The following ANKRD52 variants were observed in gnomAD, a reference collection of about 807,000 sequenced individuals.
ANKRD52 encodes serine/threonine-protein phosphatase 6 regulatory ankyrin repeat subunit C.
Under a neutral mutation model 116.0 loss-of-function variants are expected in ANKRD52, and 7 were observed. The ratio of observed to expected loss-of-function variants is 0.06; its 90% CI spans 0.03 to 0.11. ANKRD52 has a LOEUF of 0.11. ANKRD52 is among the 10% of genes least tolerant of loss of function. The pLI is 1.00. For synonymous variants in ANKRD52, 528 were observed against 578.1 expected (o/e 0.91, Z 1.24); for missense variants, 839 against 1,408.6 (o/e 0.60, Z 6.47).
chr12:56,245,708 C>CTTTTT (rs918818332), intron 20 of ANKRD52, 112 bp from the exon 21 acceptor site: 86 of 397,776 alleles, frequency 2.2e-4, no homozygotes, highest in South Asian at 2.8e-4. Context: ...CAATCCTTGT[C>CTTTTT]TTTTTTTTTT....
In ANKRD52 at chr12:56,248,304, C is replaced by T; in HGVS notation, c.1777-80G>A. ...CTTCCCCTTCTCTGCTCTTGGGGTCCCTGGGAAGCTCAAGGTCTTAGTCCT... is the reference window on the plus strand; with the variant it reads ...CTTCCCCTTCTCTGCTCTTGGGGTCTCTGGGAAGCTCAAGGTCTTAGTCCT... On this transcript the variant is annotated intron_variant, in intron 17 of 27. Coordinates refer to ENST00000267116, the MANE Select transcript of ANKRD52 (RefSeq NM_173595.4). The surrounding 1 kb of genome is among the most constrained non-coding windows in gnomAD (Gnocchi z 5.1). The T allele has an allele frequency of 1.9e-6, 3 of 1,548,658 alleles. No individual in the cohort carries two copies. The highest frequency in any genetic ancestry group is 2.7e-6 in the Non-Finnish European group (3 of 1,129,210).
At position 56,242,265 on chromosome 12, in the gene ANKRD52, A is replaced by C. The variant is rs1871198989; in HGVS notation, c.*877T>G. On this transcript the variant is annotated 3_prime_UTR_variant, in exon 28 of 28. Coordinates refer to ENST00000267116, the MANE Select transcript of ANKRD52 (RefSeq NM_173595.4). This position sits in a 1 kb window ranked among gnomAD's most constrained non-coding sequence, Gnocchi z 4.3. ...ATTAATTTGTTTCTTCCCCTAAAGG[A>C]TAAAACGCTTACTTAAAAATTCATG... 2.5e-6 allele frequency: 1 copy of C among 398,392 alleles called. No individual in the cohort carries two copies. The highest frequency in any genetic ancestry group is 4.4e-6 in the Non-Finnish European group (1 of 226,058). The allele number at this position is 398,392 out of a possible 1,614,324, so 24.7% of individuals were successfully genotyped here.
At chr12:56,249,244 T>C (rs745381239) in intron 15 of ANKRD52, among the ~76,000 whole-genome samples, 21 of 152,170 alleles carry the variant, frequency 1.4e-4, no homozygotes, top group Non-Finnish European at 2.5e-4. Flanking sequence ...ATAAGTCCTG[T>C]TCATCTCAAA....
In ANKRD52 at chr12:56,255,722, C is replaced by T. The variant is rs771719869; in HGVS notation, c.462+62G>A. Reference sequence around the variant, plus strand: ...GCTTGAGGGCCCAGAAGCAGGGAAACGTGAGTAGGAAGGTAAGAAAAGGGA... The same window carrying T: ...GCTTGAGGGCCCAGAAGCAGGGAAATGTGAGTAGGAAGGTAAGAAAAGGGA... On this transcript the variant is annotated intron_variant, in intron 5 of 27. Transcript: ENST00000267116. The surrounding 1 kb of genome is among the most constrained non-coding windows in gnomAD (Gnocchi z 4.3). 71 of 1,475,460 alleles carry T rather than the reference C, an allele frequency of 4.8e-5. No homozygotes were observed. Among genetic ancestry groups the T allele is most frequent in the East Asian group, 2.0e-4 (8 of 39,814 alleles). 91.4% of individuals were successfully genotyped at this position (1,475,460 alleles called of 1,614,324 possible). A position where few individuals can be genotyped will look rare whatever the true frequency, so the allele number is the denominator to read the frequency against.
Position 56,252,162 on chromosome 12 carries a change from C to A in ANKRD52, c.1511+13G>T. The A allele has an allele frequency of 6.2e-7, 1 of 1,613,940 alleles. No homozygotes were observed. Among genetic ancestry groups the A allele is most frequent in the Non-Finnish European group, 8.5e-7 (1 of 1,179,856 alleles). On this transcript the variant is annotated intron_variant, in intron 14 of 27. Transcript: ENST00000267116. This position sits in a 1 kb window ranked among gnomAD's most constrained non-coding sequence, Gnocchi z 4.7. ...GTGAATGGGGCTGAGAAGGACCAGACTGGTAGCCTCACCTCCTGTAAGTGT... is the reference window on the plus strand; with the variant it reads ...GTGAATGGGGCTGAGAAGGACCAGAATGGTAGCCTCACCTCCTGTAAGTGT...
Position 56,253,884 on chromosome 12 carries a change from T to C in ANKRD52, c.907-84A>G. 9 of 1,480,460 alleles carry C rather than the reference T, an allele frequency of 6.1e-6. No homozygotes were observed. Among genetic ancestry groups the C allele is most frequent in the Non-Finnish European group, 8.4e-6 (9 of 1,065,770 alleles). 91.7% of individuals were successfully genotyped at this position (1,480,460 alleles called of 1,614,324 possible). On this transcript the variant is annotated intron_variant, in intron 8 of 27. Transcript: ENST00000267116. The surrounding 1 kb of genome is among the most constrained non-coding windows in gnomAD (Gnocchi z 5.5). ...ATGCCCTACCTCCCTTCCAAGGACA[T>C]ATCTCTAAGGACAAAAGGGTCATAT...
In ANKRD52 at chr12:56,243,684, G is replaced by A. The variant is rs1871267383; in HGVS notation, c.2980+101C>T. ...GCTCCCTGCTCTGAAGAGTTCCCTT[G>A]GGAAGAAAATCCCATGTATAGCAAG... is the stretch of plus-strand genomic sequence containing the variant. On this transcript the variant is annotated intron_variant, in intron 27 of 27. Coordinates refer to ENST00000267116, the MANE Select transcript of ANKRD52 (RefSeq NM_173595.4). The surrounding 1 kb of genome is among the most constrained non-coding windows in gnomAD (Gnocchi z 4.6). 6 of 1,279,456 alleles carry A rather than the reference G, an allele frequency of 4.7e-6. No homozygotes were observed. Among genetic ancestry groups the A allele is most frequent in the Non-Finnish European group, 6.6e-6 (6 of 914,654 alleles). 79.3% of individuals were successfully genotyped at this position (1,279,456 alleles called of 1,614,324 possible). A position where few individuals can be genotyped will look rare whatever the true frequency, so the allele number is the denominator to read the frequency against.
In ANKRD52 at chr12:56,244,294, T is replaced by TA; in HGVS notation, c.2805+58dup. 6.3e-7 allele frequency: 1 copy of TA among 1,587,298 alleles called. No individual in the cohort carries two copies. Among genetic ancestry groups the TA allele is most frequent in the Non-Finnish European group, 8.6e-7 (1 of 1,156,724 alleles). On this transcript the variant is annotated intron_variant, in intron 25 of 27. Coordinates refer to ENST00000267116, the MANE Select transcript of ANKRD52 (RefSeq NM_173595.4). The surrounding 1 kb of genome is among the most constrained non-coding windows in gnomAD (Gnocchi z 4.9). ...CCCAGTCCCCTCTGCAACCGAGACT[T>TA]ACCTCTCTTCATCAAGCTCTGCCCC...
chr12:56,239,427 A>C lies in ANKRD52; in HGVS notation c.*3715T>G, dbSNP rs1871066063. Reference sequence around the variant, plus strand: ...TTCAAACTAGGCGGGATGGGGGCCCATACTGGTTTGCCCCAGGAGTAGGGT... The same window carrying C: ...TTCAAACTAGGCGGGATGGGGGCCCCTACTGGTTTGCCCCAGGAGTAGGGT... On this transcript the variant is annotated 3_prime_UTR_variant, in exon 28 of 28. Coordinates refer to ENST00000267116, the MANE Select transcript of ANKRD52 (RefSeq NM_173595.4). 6.6e-6 allele frequency: 1 copy of C among 152,232 alleles called. No individual in the cohort carries two copies. Among genetic ancestry groups the C allele is most frequent in the Non-Finnish European group, 1.5e-5 (1 of 68,086 alleles). 9.4% of individuals were successfully genotyped at this position (152,232 alleles called of 1,614,324 possible).
Position 56,255,063 on chromosome 12 carries a change from C to G in ANKRD52, c.463-111G>C, listed in dbSNP as rs1871882475. 2 of 1,100,456 alleles carry G rather than the reference C, an allele frequency of 1.8e-6. No homozygotes were observed. The highest frequency in any genetic ancestry group is 1.6e-5 in the African/African-American group (1 of 64,180). 68.2% of individuals were successfully genotyped at this position (1,100,456 alleles called of 1,614,324 possible). A position where few individuals can be genotyped will look rare whatever the true frequency, so the allele number is the denominator to read the frequency against. Reference sequence around the variant, plus strand: ...GGCTGAGGCAGCCTAATGCCTTTTTCCATGAGCAAAACAACCTGGAGGACT... The same window carrying G: ...GGCTGAGGCAGCCTAATGCCTTTTTGCATGAGCAAAACAACCTGGAGGACT... On this transcript the variant is annotated intron_variant, in intron 5 of 27. Transcript: ENST00000267116. The surrounding 1 kb of genome is among the most constrained non-coding windows in gnomAD (Gnocchi z 4.3).
chr12:56,245,474 T>G lies in ANKRD52; in HGVS notation c.2307A>C (p.Val769=). 1.9e-6 allele frequency: 3 copies of G among 1,612,444 alleles called. No homozygotes were observed. The highest frequency in any genetic ancestry group is 4.5e-5 in the East Asian group (2 of 44,874). Reference sequence around the variant, plus strand: ...GGGCAGCCTGCAGCAGGGTCCGCAGTACTGCAGTGTGGCCACAGGCTGAGG... The same window carrying G: ...GGGCAGCCTGCAGCAGGGTCCGCAGGACTGCAGTGTGGCCACAGGCTGAGG... The part of the protein sequence containing the change: ...HLASACGHTA[V]LRTLLQAALS... The change falls in exon 21 of 28, where the codon GTA becomes GTC. Residue 769 remains valine (V), a synonymous_variant. Transcript: ENST00000267116.
chr12:56,247,035 C>T (rs908788651), intron 20 of ANKRD52, among the ~76,000 whole-genome samples: 6 of 149,998 alleles, frequency 4.0e-5, no homozygotes, highest in Non-Finnish European at 8.9e-5. Flanking sequence ...CTGGAGCAAG[C>T]ACAAAGCTCA....
At chr12:56,250,078 T>G (rs910797980) in intron 15 of ANKRD52, among the ~76,000 whole-genome samples, 2 of 151,970 alleles carry the variant, frequency 1.3e-5, no homozygotes, top group East Asian at 3.9e-4. Flanking sequence ...GCACCTGTAA[T>G]CCCAGCTACT....
Position 56,250,950 on chromosome 12 carries a change from GT to G in ANKRD52, c.1592+1064del, listed in dbSNP as rs1172613721. Among the ~76,000 whole-genome samples, 6 of 151,718 alleles carry G rather than the reference GT, an allele frequency of 4.0e-5. No individual in the cohort carries two copies. The East Asian group carries it at 1.2e-3, about 29-fold the overall frequency. On this transcript the variant is annotated intron_variant, in intron 15 of 27. Transcript: ENST00000267116. ...TTTATTTAATTTTATTTATTTATTTGTTTTTTTGGAGACAGAGTCTCACTCT... is the reference window on the plus strand; with the variant it reads ...TTTATTTAATTTTATTTATTTATTTGTTTTTTGGAGACAGAGTCTCACTCT...
rs1871338371 is a variant in ANKRD52 at position 56,245,177 on chromosome 12, A to G, written c.2418T>C (p.Cys806=). 2 of 1,613,968 alleles carry G rather than the reference A, an allele frequency of 1.2e-6. No individual in the cohort carries two copies. Among genetic ancestry groups the G allele is most frequent in the East Asian group, 2.2e-5 (1 of 44,876 alleles). Residue 806 remains cysteine, a synonymous_variant, in exon 22 of 28, where the codon TGT becomes TGC. Coordinates refer to ENST00000267116, the MANE Select transcript of ANKRD52 (RefSeq NM_173595.4). The part of the protein sequence containing the change: ...HWASYTGHED[C]LELLLEHSPF... ...GGCTGTGTTCAAGTAACAACTCCAG[A>G]CAATCTTCATGTCCTGGGCACGAGG... is the stretch of plus-strand genomic sequence containing the variant.
chr12:56,244,860 G>A lies in ANKRD52; in HGVS notation c.2576+46C>T. 6.2e-7 allele frequency: 1 copy of A among 1,613,942 alleles called. No homozygotes were observed. The highest frequency in any genetic ancestry group is 8.5e-7 in the Non-Finnish European group (1 of 1,179,838). ...GAGTATACTGCCCAAGCAGAAAGGGGAAGCCAGAGGCAACTGGGATTCTTC... is the reference window on the plus strand; with the variant it reads ...GAGTATACTGCCCAAGCAGAAAGGGAAAGCCAGAGGCAACTGGGATTCTTC... On this transcript the variant is annotated intron_variant, in intron 23 of 27. Transcript: ENST00000267116. The surrounding 1 kb of genome is among the most constrained non-coding windows in gnomAD (Gnocchi z 4.9).
chr12:56,243,401 C>A lies in ANKRD52; in HGVS notation c.2981-9G>T, dbSNP rs1237934576. On this transcript the variant is annotated splice_polypyrimidine_tract_variant and intron_variant, in intron 27 of 27. Coordinates refer to ENST00000267116, the MANE Select transcript of ANKRD52 (RefSeq NM_173595.4). The surrounding 1 kb of genome is among the most constrained non-coding windows in gnomAD (Gnocchi z 4.6). ...CAGTGCTGGGGTGTGACCTGCAGGG[C>A]CAAGGGGGAGAACTGAGGCATAGAG... is the stretch of plus-strand genomic sequence containing the variant. 3 of 1,612,970 alleles carry A rather than the reference C, an allele frequency of 1.9e-6. No individual in the cohort carries two copies. The South Asian group carries it at 3.3e-5, about 18-fold the overall frequency.
intron 15 of ANKRD52, among the ~76,000 whole-genome samples, chr12:56,249,699 T>C (rs1166383340): frequency 6.6e-6 from 1 of 152,156 alleles, no homozygotes; most frequent in African/African-American, 2.4e-5. Flanking sequence ...CGGTCAGGAG[T>C]TCGTGGCCAG....
Position 56,248,453 on chromosome 12 carries a change from G to A in ANKRD52, c.1776+42C>T, listed in dbSNP as rs1348227013. 5.8e-6 allele frequency: 9 copies of A among 1,556,960 alleles called. No homozygotes were observed. In the African/African-American group the frequency reaches 1.2e-4, roughly 21 times the overall value. On this transcript the variant is annotated intron_variant, in intron 17 of 27. Transcript: ENST00000267116. This position sits in a 1 kb window ranked among gnomAD's most constrained non-coding sequence, Gnocchi z 5.1. ...GCACCTTTGTTAGGGCCTGGGAACA[G>A]GTAGGACAAGGAAGGCAACAGAAAA...
Sources: allele counts gnomAD v4.1 joint callset (sites outside exome capture counted in the v4.1 genomes callset), GRCh38; gene constraint gnomAD v4.1.1; non-coding constraint Gnocchi (gnomAD v3.1); transcripts MANE v1.5; gene names NCBI Gene and HGNC (gene_info 2026-07-23, HGNC 2026-07-21).